THEMIS2: variants seen among roughly 807,000 people sequenced by gnomAD.
The protein encoded by THEMIS2 is thymocyte selection associated family member 2.
THEMIS2 carries 29 observed loss-of-function variants against 46.8 expected under a neutral mutation model. That is an observed-to-expected ratio of 0.62 (90% CI 0.46 to 0.84). THEMIS2 has a LOEUF of 0.84. Ranked by LOEUF, THEMIS2 falls within the 40% of genes least tolerant of loss-of-function variation. The pLI, the probability that THEMIS2 is intolerant of heterozygous loss-of-function variation, is 0.00. For synonymous variants in THEMIS2, 335 were observed against 349.1 expected (o/e 0.96, Z 0.45); for missense variants, 698 against 834.7 (o/e 0.84, Z 2.02).
intron 1 of THEMIS2, among the ~76,000 whole-genome samples, chr1:27,874,989 T>C (rs2089552014): frequency 6.6e-6 from 1 of 151,808 alleles, no homozygotes; most frequent in African/African-American, 2.4e-5. Context: ...TTCTTCTTTT[T>C]TTTTTTTGAG....
chr1:27,880,109 C>T, intron 3 of THEMIS2, 55 bp downstream of exon 3: 1 of 1,517,698 alleles, frequency 6.6e-7, no homozygotes. Context: ...AGAGGGTTGC[C>T]CCTGGGAGCT....
chr1:27,875,118 A>G (rs1383562632), intron 1 of THEMIS2, among the ~76,000 whole-genome samples: 2 of 151,994 alleles, frequency 1.3e-5, no homozygotes, highest in Non-Finnish European at 2.9e-5. Flanking sequence ...AGCTGGGATT[A>G]CAGGTGCCAA....
At chr1:27,878,319 G>A (rs890714660) in intron 2 of THEMIS2, among the ~76,000 whole-genome samples, 2 of 149,950 alleles carry the variant, frequency 1.3e-5, no homozygotes, top group African/African-American at 2.5e-5. Flanking sequence ...TCTTTATTTC[G>A]AAGGCAATGA....
At chr1:27,874,791 C>T (rs1032328451) in intron 1 of THEMIS2, among the ~76,000 whole-genome samples, 4 of 151,568 alleles carry the variant, frequency 2.6e-5, no homozygotes, top group African/African-American at 7.3e-5. Flanking sequence ...AAAAAAAGGA[C>T]GAGGTCTGTG....
intron 1 of THEMIS2, 44 bp from the exon 2 acceptor site, chr1:27,876,544 C>T: frequency 1.2e-6 from 2 of 1,601,892 alleles, no homozygotes; most frequent in Non-Finnish European, 1.7e-6. Context: ...CTGCCCAGCA[C>T]TTGGCCCTTG....
chr1:27,876,452 C>T (rs922472382), intron 1 of THEMIS2, 136 bp from the exon 2 acceptor site: 20 of 1,126,444 alleles, frequency 1.8e-5, no homozygotes, highest in South Asian at 9.0e-5. Context: ...GAGGCAGGAA[C>T]GACAGAGCAG....
At chr1:27,874,245 G>A (rs1405236293) in intron 1 of THEMIS2, among the ~76,000 whole-genome samples, 1 of 149,932 alleles carries the variant, frequency 6.7e-6, no homozygotes, top group Non-Finnish European at 1.5e-5. Flanking sequence ...ATTTTGCCCA[G>A]GCCGGTCTCA....
intron 2 of THEMIS2, among the ~76,000 whole-genome samples, chr1:27,877,959 G>A (rs987657979): frequency 4.6e-5 from 7 of 151,862 alleles, no homozygotes; most frequent in Non-Finnish European, 8.8e-5. Flanking sequence ...AGACCAGCCC[G>A]GCCAACATGG....
At chr1:27,883,178 A>G in intron 4 of THEMIS2, 135 bp downstream of exon 4, 1 of 744,246 alleles carries the variant, frequency 1.3e-6, no homozygotes, top group East Asian at 2.7e-5. Flanking sequence ...TGCACCCATT[A>G]TTCTCATTCC....
At position 27,872,567 on chromosome 1, in the gene THEMIS2, G is replaced by GGACCATGGAGCCGGTGCCGCTGC; in HGVS notation, c.-4_19dup. The GGACCATGGAGCCGGTGCCGCTGC allele has an allele frequency of 6.7e-7, 1 of 1,487,934 alleles. No homozygotes were observed. Among genetic ancestry groups the GGACCATGGAGCCGGTGCCGCTGC allele is most frequent in the Non-Finnish European group, 8.9e-7 (1 of 1,121,998 alleles). 92.2% of individuals were successfully genotyped at this position (1,487,934 alleles called of 1,614,324 possible). ...TCAGTCTGAGCCCAGAGAGCCGCGGGGACCATGGAGCCGGTGCCGCTGCAG... is the reference window on the plus strand; with the variant it reads ...TCAGTCTGAGCCCAGAGAGCCGCGGGGACCATGGAGCCGGTGCCGCTGCGACCATGGAGCCGGTGCCGCTGCAG... On this transcript the variant is annotated 5_prime_UTR_variant, in exon 1 of 6. It adds an upstream start codon to the 5' untranslated region. Transcript: ENST00000373921. The surrounding 1 kb of genome is among the most constrained non-coding windows in gnomAD (Gnocchi z 4.9).
chr1:27,881,405 C>T (rs1430950767), intron 3 of THEMIS2, among the ~76,000 whole-genome samples: 3 of 150,036 alleles, frequency 2.0e-5, no homozygotes, highest in Non-Finnish European at 4.4e-5. Flanking sequence ...GAGCCAAGAT[C>T]GCACCACTGC....
chr1:27,875,393 C>T (rs1201247287), intron 1 of THEMIS2, among the ~76,000 whole-genome samples: 1 of 152,246 alleles, frequency 6.6e-6, no homozygotes, highest in African/African-American at 2.4e-5. Flanking sequence ...TCTGTAGTAC[C>T]ACAGCTGCTG....
chr1:27,873,588 G>A (rs2089526174), intron 1 of THEMIS2, among the ~76,000 whole-genome samples: 1 of 152,168 alleles, frequency 6.6e-6, no homozygotes, highest in Admixed American at 6.5e-5. Flanking sequence ...TGGGGTCCTA[G>A]ACCAAGGAGG....
chr1:27,879,557 G>C (rs1157307477), intron 2 of THEMIS2, 87 bp from the exon 3 acceptor site: 2 of 1,240,818 alleles, frequency 1.6e-6, no homozygotes, highest in African/African-American at 3.0e-5. Flanking sequence ...GTCATCTGCA[G>C]GGCCAGACTG....
rs532896556 is a variant in THEMIS2, at chr1:27,879,948, G to A, written c.540G>A (p.Gln180=). ...WEPSAPRTLL[Q]VLQDPALKDL... ...CTAGTGCCCCTCGAACTCTGCTCCA[G>A]GTCCTACAGGATCCAGCCCTGAAAG... The change falls in exon 3 of 6, where the codon CAG becomes CAA. Residue 180 remains glutamine, a synonymous_variant. Transcript: ENST00000373921. 3.8e-5 allele frequency: 61 copies of A among 1,611,904 alleles called. No homozygotes were observed. The highest frequency in any genetic ancestry group is 5.1e-5 in the Non-Finnish European group (60 of 1,179,178).
chr1:27,885,161 T>G (rs1261111635), intron 4 of THEMIS2, 134 bp from the exon 5 acceptor site: 2 of 910,614 alleles, frequency 2.2e-6, no homozygotes, highest in Non-Finnish European at 1.6e-6. Context: ...ACCAGGGGTC[T>G]TGAGAGGTCA....
At chr1:27,885,497 T>C in intron 5 of THEMIS2, 46 bp downstream of exon 5, 1 of 1,593,452 alleles carries the variant, frequency 6.3e-7, no homozygotes, top group Non-Finnish European at 8.5e-7. Flanking sequence ...GTGTCTCCCC[T>C]CCCTACCTTG....
chr1:27,881,553 C>T (rs1289617305), intron 3 of THEMIS2, among the ~76,000 whole-genome samples: 5 of 151,932 alleles, frequency 3.3e-5, no homozygotes, highest in African/African-American at 7.2e-5. Context: ...GGGGGCCGGG[C>T]GTGGTGGCTC....
rs755193654 is a variant in THEMIS2, at chr1:27,883,038, G to A, written c.1714G>A (p.Val572Ile). The A allele has an allele frequency of 1.1e-5, 17 of 1,612,202 alleles. No homozygotes were observed. The highest frequency in any genetic ancestry group is 5.5e-5 in the South Asian group (5 of 90,862). ...GAGGAGACACAGCAGTGAGGGAGGCGTCAAGGTACTAGTATAATCCCAGAG... is the reference window on the plus strand; with the variant it reads ...GAGGAGACACAGCAGTGAGGGAGGCATCAAGGTACTAGTATAATCCCAGAG... ...KQRRHSSEGG[V>I]KSSQVLGLQQ... Residue 572 changes from valine to isoleucine, a missense_variant, in exon 4 of 6, where the codon GTC becomes ATC. Coordinates refer to ENST00000373921, the MANE Select transcript of THEMIS2 (RefSeq NM_001105556.3).
Sources: gnomAD v4.1 joint callset for allele counts (sites outside exome capture counted in the v4.1 genomes callset) on GRCh38, gnomAD v4.1.1 for gene constraint, Gnocchi (gnomAD v3.1) non-coding constraint, MANE v1.5 for transcripts, NCBI Gene and HGNC (gene_info 2026-07-23, HGNC 2026-07-21) for gene names.